Variants in KSR2 observed in about 807,000 individuals in gnomAD.
KSR2 encodes kinase suppressor of ras 2.
KSR2 carries 25 observed loss-of-function variants against 107.8 expected under a neutral mutation model. That is an observed-to-expected ratio of 0.23 (90% CI 0.17 to 0.32). The LOEUF (loss-of-function observed/expected upper bound fraction) is 0.32. KSR2 is among the 10% of genes least tolerant of loss of function. The pLI is 1.00. For missense variants in KSR2, 887 were observed against 1,268.9 expected, an observed-to-expected ratio of 0.70 and a Z score of 4.57; for synonymous variants, 480 against 507.0, an observed-to-expected ratio of 0.95 and a Z score of 0.71.
chr12:117,926,759 A>C (rs892318910), intron 1 of KSR2, among the ~76,000 whole-genome samples: 10 of 152,180 alleles, frequency 6.6e-5, no homozygotes, highest in African/African-American at 2.4e-4. Context: ...AAACTCTCCA[A>C]GGGTGGCCTT....
intron 3 of KSR2, among the ~76,000 whole-genome samples, chr12:117,840,040 A>C (rs1296567155): frequency 6.6e-6 from 1 of 152,196 alleles, no homozygotes; most frequent in Non-Finnish European, 1.5e-5. Context: ...GCTATGCTAA[A>C]TATCCAAGTG....
At chr12:117,811,785 T>C (rs183968381) in intron 3 of KSR2, among the ~76,000 whole-genome samples, 2 of 152,350 alleles carry the variant, frequency 1.3e-5, no homozygotes, top group Admixed American at 6.5e-5. Context: ...TAAGGTTTGA[T>C]AGCTATAAAG....
In KSR2 at chr12:117,761,016, C is replaced by G. The variant is rs181375110; in HGVS notation, c.981G>C (p.Thr327=). ...CACCCACCGATCGCACTCACTTGGGCGTGTGGGCCTCGTCCACGCGGTGCC... is the reference window on the plus strand; with the variant it reads ...CACCCACCGATCGCACTCACTTGGGGGTGTGGGCCTCGTCCACGCGGTGCC... The part of the protein sequence containing the change: ...QLGHRVDEAH[T]PKAKKKSKPL... Residue 327 remains threonine (T), a synonymous_variant, in exon 4 of 20, where the codon ACG becomes ACC. Transcript: ENST00000339824. 3.1e-6 allele frequency: 5 copies of G among 1,613,530 alleles called. No individual in the cohort carries two copies. The Admixed American group carries it at 8.3e-5, about 27-fold the overall frequency.
At chr12:117,887,390 G>A (rs1280026189) in intron 1 of KSR2, among the ~76,000 whole-genome samples, 1 of 152,044 alleles carries the variant, frequency 6.6e-6, no homozygotes, top group Non-Finnish European at 1.5e-5. Flanking sequence ...CACGAGTGAC[G>A]GCACCTGGCC....
intron 1 of KSR2, among the ~76,000 whole-genome samples, chr12:117,959,259 T>G (rs1040923235): frequency 3.3e-5 from 5 of 152,218 alleles, no homozygotes; most frequent in African/African-American, 1.2e-4. Flanking sequence ...AAATGTAGCA[T>G]GTCAAACAGG....
intron 5 of KSR2, among the ~76,000 whole-genome samples, chr12:117,658,150 A>G (rs1350833831): frequency 3.3e-5 from 5 of 152,248 alleles, no homozygotes; most frequent in Admixed American, 2.6e-4. Context: ...ATGAAGCTAG[A>G]GAGAGCACAG....
intron 3 of KSR2, among the ~76,000 whole-genome samples, chr12:117,805,043 AT>A (rs957392749): frequency 1.3e-5 from 2 of 152,128 alleles, no homozygotes. Context: ...GGACTGAGGG[AT>A]TTCCAAGGAT....
chr12:117,580,241 C>T (rs1879559754), intron 6 of KSR2, among the ~76,000 whole-genome samples: 1 of 152,172 alleles, frequency 6.6e-6, no homozygotes, highest in South Asian at 2.1e-4. Flanking sequence ...AAGCAAATAG[C>T]AACATTCTGA....
In KSR2 at chr12:117,968,321, A is replaced by C; in HGVS notation, c.-66T>G. ...AGAGAAAAAAGAGGGGGGGGAGTAGAGGTAGTCTACCCTCCGCCTCTCCAA... is the reference window on the plus strand; with the variant it reads ...AGAGAAAAAAGAGGGGGGGGAGTAGCGGTAGTCTACCCTCCGCCTCTCCAA... On this transcript the variant is annotated 5_prime_UTR_variant, in exon 1 of 20. Coordinates refer to ENST00000339824, the MANE Select transcript of KSR2 (RefSeq NM_173598.6). 3 of 1,431,548 alleles carry C rather than the reference A, an allele frequency of 2.1e-6. No individual in the cohort carries two copies. The highest frequency in any genetic ancestry group is 1.5e-5 in the African/African-American group (1 of 66,596). 88.7% of individuals were successfully genotyped at this position (1,431,548 alleles called of 1,614,324 possible). A position where few individuals can be genotyped will look rare whatever the true frequency, so the allele number is the denominator to read the frequency against.
rs1870657799 is a variant in KSR2 at position 117,457,018 on chromosome 12, A to G, written c.*10181T>C. The G allele has an allele frequency of 6.6e-6, 1 of 152,254 alleles. No homozygotes were observed. Among genetic ancestry groups the G allele is most frequent in the Non-Finnish European group, 1.5e-5 (1 of 68,060 alleles). 9.4% of individuals were successfully genotyped at this position (152,254 alleles called of 1,614,324 possible). A position where few individuals can be genotyped will look rare whatever the true frequency, so the allele number is the denominator to read the frequency against. ...CTGAGTAGCCTCAGAAAGCAACACCAAGATTGCCGGATGCAAGTCTCAAGA... is the reference window on the plus strand; with the variant it reads ...CTGAGTAGCCTCAGAAAGCAACACCGAGATTGCCGGATGCAAGTCTCAAGA... On this transcript the variant is annotated 3_prime_UTR_variant, in exon 20 of 20. Transcript: ENST00000339824.
chr12:117,488,159 C>G (rs919069219), intron 14 of KSR2, among the ~76,000 whole-genome samples: 2 of 152,164 alleles, frequency 1.3e-5, no homozygotes, highest in Non-Finnish European at 2.9e-5. Context: ...TGCCTCCCAT[C>G]ATAATTGTGA....
intron 3 of KSR2, among the ~76,000 whole-genome samples, chr12:117,784,043 T>C (rs1889975443): frequency 6.6e-6 from 1 of 152,178 alleles, no homozygotes. Context: ...TTTAATTTTT[T>C]AATAATTTTA....
At chr12:117,734,984 C>T (rs913581746) in intron 4 of KSR2, among the ~76,000 whole-genome samples, 1 of 151,974 alleles carries the variant, frequency 6.6e-6, no homozygotes, top group Non-Finnish European at 1.5e-5. Context: ...CAGCTTTGCC[C>T]TCACGGCCTC....
At chr12:117,581,073 C>T (rs1363443849) in intron 6 of KSR2, among the ~76,000 whole-genome samples, 1 of 152,208 alleles carries the variant, frequency 6.6e-6, no homozygotes, top group Non-Finnish European at 1.5e-5. Flanking sequence ...TGACCATTGA[C>T]GTGTCTATCA....
chr12:117,620,842 G>A (rs2136339667), intron 5 of KSR2, among the ~76,000 whole-genome samples: 1 of 152,204 alleles, frequency 6.6e-6, no homozygotes, highest in East Asian at 1.9e-4. Context: ...GGGAAAGCAG[G>A]GAGAGACCAT....
At chr12:117,774,840 C>A (rs1467861815) in intron 3 of KSR2, among the ~76,000 whole-genome samples, 1 of 152,152 alleles carries the variant, frequency 6.6e-6, no homozygotes, top group African/African-American at 2.4e-5. Flanking sequence ...TCCCCCAGCC[C>A]CTGGCAAGCC....
At chr12:117,887,889 G>T (rs1221462373) in intron 1 of KSR2, among the ~76,000 whole-genome samples, 2 of 152,196 alleles carry the variant, frequency 1.3e-5, no homozygotes, top group Non-Finnish European at 2.9e-5. Context: ...ACATGGCTAT[G>T]ATCAACCAGT....
intron 4 of KSR2, among the ~76,000 whole-genome samples, chr12:117,669,569 A>AT (rs1039882565): frequency 5.5e-5 from 7 of 128,152 alleles, no homozygotes; most frequent in African/African-American, 1.2e-4. Flanking sequence ...CATTGCTAAA[A>AT]TTAAAAAAAA....
intron 3 of KSR2, among the ~76,000 whole-genome samples, chr12:117,809,642 A>G (rs923022234): frequency 1.3e-5 from 2 of 152,132 alleles, no homozygotes; most frequent in African/African-American, 4.8e-5. Context: ...AGTGCCACTC[A>G]CTGAAATTAT....
Sources: gnomAD v4.1 joint callset for allele counts (sites outside exome capture counted in the v4.1 genomes callset) on GRCh38, gnomAD v4.1.1 for gene constraint, MANE v1.5 for transcripts, NCBI Gene and HGNC (gene_info 2026-07-23, HGNC 2026-07-21) for gene names.